Variants in PCDHGA2 observed in about 807,000 individuals in gnomAD.
The protein encoded by PCDHGA2 is protocadherin gamma subfamily A, 2.
A neutral mutation model predicts 59.2 loss-of-function variants in PCDHGA2; 40 were observed. The ratio of observed to expected loss-of-function variants is 0.68; its 90% CI spans 0.52 to 0.88. The LOEUF is 0.88. PCDHGA2 is among the 40% of genes least tolerant of loss of function. PCDHGA2 has a pLI of 0.00. For missense variants in PCDHGA2, 1,226 were observed against 1,204.0 expected, an observed-to-expected ratio of 1.02 and a Z score of -0.27; for synonymous variants, 560 against 526.0, an observed-to-expected ratio of 1.06 and a Z score of -0.89.
intron 1 of PCDHGA2, chr5:141,404,202 AAT>A: frequency 6.2e-7 from 1 of 1,613,738 alleles, no homozygotes; most frequent in Non-Finnish European, 8.5e-7. Context: ...AAAGCCTCAG[AAT>A]ATAATATCAC....
In PCDHGA2 at chr5:141,410,693, A is replaced by AT. The variant is rs774266569; in HGVS notation, c.2424+69302dup. On this transcript the variant is annotated intron_variant, in intron 1 of 3. Coordinates refer to ENST00000394576, the MANE Select transcript of PCDHGA2 (RefSeq NM_018915.4). ...TCTCATATTTTAGGCATACTACTTT[A>AT]TTTTCATATCTAGAATCATATGTTT... The AT allele has an allele frequency of 1.1e-5, 17 of 1,496,786 alleles. No homozygotes were observed. In the Admixed American group the frequency reaches 3.7e-4, roughly 33 times the overall value. The allele number at this position is 1,496,786 out of a possible 1,614,324, so 92.7% of individuals were successfully genotyped here.
At chr5:141,447,535 G>C (rs1366016262) in intron 1 of PCDHGA2, among the ~76,000 whole-genome samples, 1 of 152,162 alleles carries the variant, frequency 6.6e-6, no homozygotes, top group African/African-American at 2.4e-5. Flanking sequence ...AAATTGTTGG[G>C]TTTTAATGTT....
At chr5:141,499,343 G>C (rs1184175548) in intron 2 of PCDHGA2, among the ~76,000 whole-genome samples, 1 of 152,146 alleles carries the variant, frequency 6.6e-6, no homozygotes, top group Non-Finnish European at 1.5e-5. Context: ...AGTTTGGGCA[G>C]TCATTCAACA....
intron 1 of PCDHGA2, chr5:141,352,660 G>T: frequency 6.3e-7 from 1 of 1,591,126 alleles, no homozygotes; most frequent in Non-Finnish European, 8.6e-7. Context: ...ACCCTTCTTT[G>T]TCTTCGCACG....
chr5:141,409,952 C>A (rs892751686), intron 1 of PCDHGA2: 2 of 1,613,350 alleles, frequency 1.2e-6, no homozygotes, highest in Non-Finnish European at 1.7e-6. Context: ...CTCTGCAGAG[C>A]CCGGCTACCT....
chr5:141,352,575 C>A, intron 1 of PCDHGA2: 1 of 1,613,904 alleles, frequency 6.2e-7, no homozygotes, highest in South Asian at 1.1e-5. Flanking sequence ...GAAATGGCTC[C>A]CCCTCAGGAT....
rs539348000 is a variant in PCDHGA2 at position 141,504,908 on chromosome 5, G to A, written c.2484-485G>A. 5.9e-5 allele frequency among the ~76,000 whole-genome samples: 9 copies of A among 152,208 alleles called. No homozygotes were observed. In the East Asian group the frequency reaches 1.7e-3, roughly 29 times the overall value. On this transcript the variant is annotated intron_variant, in intron 2 of 3. Coordinates refer to ENST00000394576, the MANE Select transcript of PCDHGA2 (RefSeq NM_018915.4). Reference sequence around the variant, plus strand: ...AGGTCTGATCTCCCTCACTATGACAGGAAGCCAGGCTCTCTCATGGTGGGT... The same window carrying A: ...AGGTCTGATCTCCCTCACTATGACAAGAAGCCAGGCTCTCTCATGGTGGGT...
intron 1 of PCDHGA2, chr5:141,383,616 G>A (rs750574958): frequency 2.5e-6 from 4 of 1,613,808 alleles, no homozygotes; most frequent in Non-Finnish European, 3.4e-6. Flanking sequence ...ATGACCACAC[G>A]CCTGTCTTCT....
intron 1 of PCDHGA2, chr5:141,351,631 G>A (rs755698367): frequency 6.2e-7 from 1 of 1,614,062 alleles, no homozygotes; most frequent in South Asian, 1.1e-5. Context: ...TGGTCCACGT[G>A]TCTGAGAACA....
chr5:141,509,442 T>C (rs1473514859), intron 3 of PCDHGA2, among the ~76,000 whole-genome samples: 3 of 152,008 alleles, frequency 2.0e-5, no homozygotes, highest in Non-Finnish European at 2.9e-5. Flanking sequence ...TGTTTCCTCC[T>C]CTCCCACCCC....
At chr5:141,449,500 A>G (rs1034917703) in intron 1 of PCDHGA2, among the ~76,000 whole-genome samples, 6 of 151,300 alleles carry the variant, frequency 4.0e-5, no homozygotes, top group African/African-American at 1.5e-4. Flanking sequence ...GAGGCATGAG[A>G]AATGCTTGAA....
intron 1 of PCDHGA2, chr5:141,478,112 G>A (rs2099430344): frequency 1.2e-6 from 2 of 1,613,968 alleles, no homozygotes; most frequent in South Asian, 2.2e-5. Flanking sequence ...CACTGTGTCA[G>A]TAACCGAGGA....
intron 1 of PCDHGA2, among the ~76,000 whole-genome samples, chr5:141,370,065 A>G (rs960768866): frequency 6.6e-6 from 1 of 152,254 alleles, no homozygotes; most frequent in Non-Finnish European, 1.5e-5. Context: ...TCCTTTTAAA[A>G]TGGGAAGAAA....
chr5:141,443,938 G>T (rs1330111540), intron 1 of PCDHGA2, among the ~76,000 whole-genome samples: 1 of 152,014 alleles, frequency 6.6e-6, no homozygotes, highest in Non-Finnish European at 1.5e-5. Context: ...CTCACAGCAG[G>T]TTTCCTTATT....
chr5:141,421,487 C>G (rs1447180364), intron 1 of PCDHGA2: 2 of 1,614,094 alleles, frequency 1.2e-6, no homozygotes, highest in Non-Finnish European at 1.7e-6. Context: ...AGCTTGATCA[C>G]GGCAGGCAGG....
chr5:141,405,346 G>C (rs184640789), intron 1 of PCDHGA2: 4 of 1,614,108 alleles, frequency 2.5e-6, no homozygotes, highest in Non-Finnish European at 3.4e-6. Context: ...TTGATTCCAA[G>C]TTTCCTATAG....
rs151023570 is a variant in PCDHGA2, at chr5:141,339,442, G to A, written c.471G>A (p.Ala157=). 1.7e-5 allele frequency: 27 copies of A among 1,614,086 alleles called. No individual in the cohort carries two copies. Among genetic ancestry groups the A allele is most frequent in the Non-Finnish European group, 2.2e-5 (26 of 1,180,052 alleles). ...TPGFRIPLKN[A]HDADVGENAL... is the part of the protein sequence containing the mutation. The stretch of plus-strand genomic sequence containing the variant: ...GATTCCGGATTCCTCTTAAGAATGC[G>A]CATGATGCAGACGTAGGTGAGAACG... Residue 157 remains alanine, a synonymous_variant, in exon 1 of 4, where the codon GCG becomes GCA. Coordinates refer to ENST00000394576, the MANE Select transcript of PCDHGA2 (RefSeq NM_018915.4).
chr5:141,411,515 T>A (rs1381474249), intron 1 of PCDHGA2: 1 of 151,910 alleles, frequency 6.6e-6, no homozygotes, highest in East Asian at 1.9e-4. Flanking sequence ...TCCTGGGAGG[T>A]CAAGGTTGCA....
Position 141,339,698 on chromosome 5 carries a change from A to C in PCDHGA2, c.727A>C (p.Thr243Pro). The C allele has an allele frequency of 1.2e-6, 2 of 1,614,142 alleles. No individual in the cohort carries two copies. The highest frequency in any genetic ancestry group is 1.7e-5 in the Admixed American group (1 of 60,028). ...TGCGAACGACAATGCGCCTGTTTTT[A>C]CACAGCCCGAGTACCGCATAAGCAT... ...LDANDNAPVF[T>P]QPEYRISIPE... The change falls in exon 1 of 4, where the codon ACA becomes CCA. Residue 243 changes from threonine (T) to proline (P), a missense_variant. Transcript: ENST00000394576.
Sources: gnomAD v4.1 joint callset for allele counts (sites outside exome capture counted in the v4.1 genomes callset) on GRCh38, gnomAD v4.1.1 for gene constraint, MANE v1.5 for transcripts, NCBI Gene and HGNC (gene_info 2026-07-23, HGNC 2026-07-21) for gene names.